Variants in NRXN1 observed in about 807,000 individuals in gnomAD.
The protein encoded by NRXN1 is neurexin-1.
A neutral mutation model predicts 150.9 loss-of-function variants in NRXN1; 39 were observed. The ratio of observed to expected loss-of-function variants is 0.26; its 90% CI spans 0.20 to 0.34. The LOEUF is 0.34. NRXN1 is among the 10% of genes least tolerant of loss of function. The probability of loss-of-function intolerance (pLI) is 1.00; values close to 1 mark genes in which losing one functional copy is unlikely to be tolerated. For missense variants in NRXN1, 1,815 were observed against 1,949.9 expected (o/e 0.93, Z 1.30); for synonymous variants, 924 against 757.0 (o/e 1.22, Z -3.62).
chr2:50,693,163 T>C (rs1368992843), intron 5 of NRXN1, among the ~76,000 whole-genome samples: 1 of 152,162 alleles, frequency 6.6e-6, no homozygotes, highest in African/African-American at 2.4e-5. Flanking sequence ...AAGGAGAAAG[T>C]AGATTTAAAA....
chr2:50,290,081 G>A (rs1477556104), intron 17 of NRXN1, among the ~76,000 whole-genome samples: 7 of 152,030 alleles, frequency 4.6e-5, no homozygotes, highest in Non-Finnish European at 7.4e-5. Context: ...CAGAATAAAC[G>A]ATACCAGACA....
At chr2:50,513,054 T>C (rs1653741445) in intron 12 of NRXN1, among the ~76,000 whole-genome samples, 1 of 152,232 alleles carries the variant, frequency 6.6e-6, no homozygotes, top group African/African-American at 2.4e-5. Flanking sequence ...GGCTTGGGTA[T>C]GTTAGCTTCT....
chr2:50,919,414 T>C (rs989439559), intron 5 of NRXN1: 7 of 151,772 alleles, frequency 4.6e-5, no homozygotes, highest in Non-Finnish European at 8.8e-5. Context: ...TCACTGGACA[T>C]TTAAACAGTT....
At chr2:50,325,898 A>C (rs2152978385) in intron 17 of NRXN1, among the ~76,000 whole-genome samples, 1 of 152,324 alleles carries the variant, frequency 6.6e-6, no homozygotes, top group South Asian at 2.1e-4. Flanking sequence ...CCTTCTTCAC[A>C]GTTTCTAATC....
chr2:50,410,281 C>A (rs570873854), intron 17 of NRXN1, among the ~76,000 whole-genome samples: 3 of 152,312 alleles, frequency 2.0e-5, no homozygotes, highest in Admixed American at 6.5e-5. Flanking sequence ...TACTTCTTCT[C>A]TAAAGCTTGC....
intron 18 of NRXN1, among the ~76,000 whole-genome samples, chr2:50,167,090 G>C (rs1307512161): frequency 6.6e-6 from 1 of 152,120 alleles, no homozygotes; most frequent in Non-Finnish European, 1.5e-5. Flanking sequence ...GGGCAGTTTG[G>C]GATGGCTTTA....
chr2:50,311,505 G>T (rs1351803785), intron 17 of NRXN1, among the ~76,000 whole-genome samples: 1 of 152,062 alleles, frequency 6.6e-6, no homozygotes, highest in Non-Finnish European at 1.5e-5. Context: ...TCCGAACCTG[G>T]ATAGATGAAT....
chr2:50,612,344 A>T (rs761491987), intron 8 of NRXN1, among the ~76,000 whole-genome samples: 3 of 152,198 alleles, frequency 2.0e-5, no homozygotes, highest in Non-Finnish European at 4.4e-5. Context: ...AGGGCTAGTA[A>T]AGACAAAATA....
chr2:50,323,571 C>CTATATATATATATATATA (rs149609146), intron 17 of NRXN1, among the ~76,000 whole-genome samples: 29 of 144,378 alleles, frequency 2.0e-4, no homozygotes, highest in African/African-American at 6.3e-4. Context: ...GGGAAATAAA[C>CTATATATATATATATATA]TATATATATA....
chr2:50,278,303 AT>A lies in NRXN1; in HGVS notation c.3365-41334del, dbSNP rs1286556895. Among the ~76,000 whole-genome samples, 610 of 126,602 alleles carry A rather than the reference AT, an allele frequency of 4.8e-3. 7 individuals are homozygous for A. The highest frequency in any genetic ancestry group is 0.019 in the African/African-American group (586 of 31,538). 83.1% of individuals were successfully genotyped at this position (126,602 alleles called of 152,430 possible). On this transcript the variant is annotated intron_variant, in intron 17 of 22. Transcript: ENST00000401669. ...TATATATAATACATATATAATATAT[AT>A]TTTATATATATATTATATATATATA...
At chr2:50,278,405 G>A (rs1248868348) in intron 17 of NRXN1, among the ~76,000 whole-genome samples, 2 of 146,820 alleles carry the variant, frequency 1.4e-5, no homozygotes, top group African/African-American at 5.1e-5. Context: ...GCCCCCCTTG[G>A]CCTCCCAAAG....
At chr2:50,809,063 T>G (rs566076007) in intron 5 of NRXN1, among the ~76,000 whole-genome samples, 1 of 152,182 alleles carries the variant, frequency 6.6e-6, no homozygotes, top group East Asian at 1.9e-4. Context: ...TTCATGGGAT[T>G]TATAGAAAGT....
chr2:49,998,693 C>T (rs902404109), intron 21 of NRXN1, among the ~76,000 whole-genome samples: 1 of 152,082 alleles, frequency 6.6e-6, no homozygotes, highest in Admixed American at 6.6e-5. Context: ...AATGTCATGG[C>T]TTTCATTATT....
chr2:50,178,683 T>A (rs1412921878), intron 18 of NRXN1, among the ~76,000 whole-genome samples: 3 of 152,108 alleles, frequency 2.0e-5, no homozygotes, highest in African/African-American at 7.2e-5. Flanking sequence ...AAACAAGCTA[T>A]GAGTAGATTT....
chr2:50,554,416 T>C (rs1297387145), intron 8 of NRXN1: 2 of 152,168 alleles, frequency 1.3e-5, no homozygotes, highest in South Asian at 2.1e-4. Flanking sequence ...TGCTCTGGTA[T>C]TGGACTTCCT....
chr2:50,111,451 C>T (rs1558901460), intron 18 of NRXN1, among the ~76,000 whole-genome samples: 2 of 151,970 alleles, frequency 1.3e-5, no homozygotes, highest in Admixed American at 1.3e-4. Flanking sequence ...ACCGCCTGGC[C>T]AACACGGTGA....
chr2:50,486,191 A>C (rs948952102), intron 15 of NRXN1, among the ~76,000 whole-genome samples: 1 of 152,166 alleles, frequency 6.6e-6, no homozygotes, highest in Admixed American at 6.5e-5. Context: ...ATTTAATGTA[A>C]TGCTTTCACA....
intron 5 of NRXN1, among the ~76,000 whole-genome samples, chr2:50,886,508 T>C (rs1019011706): frequency 2.0e-5 from 3 of 151,442 alleles, no homozygotes; most frequent in Non-Finnish European, 4.4e-5. Flanking sequence ...AGGAATAAAT[T>C]AGACAATCTC....
intron 17 of NRXN1, among the ~76,000 whole-genome samples, chr2:50,383,236 A>C (rs1325883768): frequency 6.6e-6 from 1 of 152,162 alleles, no homozygotes; most frequent in Non-Finnish European, 1.5e-5. Context: ...TGGTCTGATC[A>C]TTCAGTATTG....
Sources: allele counts gnomAD v4.1 joint callset (sites outside exome capture counted in the v4.1 genomes callset), GRCh38; gene constraint gnomAD v4.1.1; transcripts MANE v1.5; gene names NCBI Gene and HGNC (gene_info 2026-07-23, HGNC 2026-07-21).